MYH6: variants seen among roughly 807,000 people sequenced by gnomAD.
MYH6 encodes the protein myosin-6.
Under a neutral mutation model 223.2 loss-of-function variants are expected in MYH6, and 126 were observed. The observed-to-expected ratio is 0.56, with a 90% CI of 0.49 to 0.65. The LOEUF (loss-of-function observed/expected upper bound fraction) is 0.65. Ranked by LOEUF, MYH6 falls within the 30% of genes least tolerant of loss-of-function variation. The pLI, the probability that MYH6 is intolerant of heterozygous loss-of-function variation, is 0.00. For missense variants in MYH6, 2,040 were observed against 2,536.4 expected (o/e 0.80, Z 4.20); for synonymous variants, 978 against 1,010.2 (o/e 0.97, Z 0.61).
intron 13 of MYH6, 77 bp downstream of exon 13, chr14:23,400,632 C>G (rs992527762): frequency 6.2e-6 from 10 of 1,610,534 alleles, no homozygotes; most frequent in Non-Finnish European, 8.5e-6. Context: ...TGGTCCACAG[C>G]TGGCTCTCAG....
rs118041899 is a variant in MYH6 at position 23,403,593 on chromosome 14, C to T, written c.799+122G>A. 0.012 allele frequency: 14,181 copies of T among 1,209,788 alleles called. 254 individuals are homozygous for T. The highest frequency in any genetic ancestry group is 0.061 in the Middle Eastern group (308 of 5,036). The allele number at this position is 1,209,788 out of a possible 1,614,324, so 74.9% of individuals were successfully genotyped here. On this transcript the variant is annotated intron_variant, in intron 9 of 38. Coordinates refer to ENST00000405093, the MANE Select transcript of MYH6 (RefSeq NM_002471.4). ...AGATGTGGCTTAAATAAAAAGGATCCTAAAGCCCAGAGGCAAATGCAGACA... is the reference window on the plus strand; with the variant it reads ...AGATGTGGCTTAAATAAAAAGGATCTTAAAGCCCAGAGGCAAATGCAGACA...
rs1421693475 is a variant in MYH6, at chr14:23,386,022, A to C, written c.5069T>G (p.Leu1690Arg). ...NNLLQAELEELRAVVEQTERS... is the reference protein window; with the variant it reads ...NNLLQAELEERRAVVEQTERS... ...CTCTGTCTGCTCCACCACGGCACGC[A>C]GCTCCTCCAGCTCAGCCTGCAGCAG... The change falls in exon 34 of 39, where the codon CTG (leucine) becomes CGG (arginine). Residue 1690 changes from leucine (L) to arginine (R), a missense_variant. Leu to Arg is a moderately radical substitution (Grantham distance 102, BLOSUM62 -2). This residue lies in a region of MYH6 where 1,203 missense variants were observed against 1,400.2 expected (regional missense o/e 0.86). Coordinates refer to ENST00000405093, the MANE Select transcript of MYH6 (RefSeq NM_002471.4). 2 of 1,614,144 alleles carry C rather than the reference A, an allele frequency of 1.2e-6. No homozygotes were observed. Among genetic ancestry groups the C allele is most frequent in the Non-Finnish European group, 1.7e-6 (2 of 1,180,032 alleles).
chr14:23,387,838 T>C lies in MYH6; in HGVS notation c.4445A>G (p.Glu1482Gly), dbSNP rs1415845199. Residue 1482 changes from glutamate to glycine, a missense_variant, in exon 31 of 39, where the codon GAG becomes GGG. Transcript: ENST00000405093. ...SQKEARSLSTELFKLKNAYEE... is the reference protein window; with the variant it reads ...SQKEARSLSTGLFKLKNAYEE... Reference sequence around the variant, plus strand: ...GTAGGCGTTCTTGAGCTTGAAGAGCTCTGTGCTGAGGGAGCGAGCCTCCTT... The same window carrying C: ...GTAGGCGTTCTTGAGCTTGAAGAGCCCTGTGCTGAGGGAGCGAGCCTCCTT... 3.5e-5 allele frequency: 56 copies of C among 1,614,026 alleles called. No homozygotes were observed. Among genetic ancestry groups the C allele is most frequent in the Non-Finnish European group, 4.7e-5 (55 of 1,180,044 alleles).
chr14:23,405,329 C>A lies in MYH6; in HGVS notation c.396G>T (p.Pro132=). The A allele has an allele frequency of 6.2e-7, 1 of 1,614,128 alleles. No homozygotes were observed. Among genetic ancestry groups the A allele is most frequent in the Middle Eastern group, 1.7e-4 (1 of 6,058 alleles). Residue 132 remains proline (P), a synonymous_variant, in exon 5 of 39, where the codon CCG becomes CCT. Transcript: ENST00000405093. This position sits in a 1 kb window ranked among gnomAD's most constrained non-coding sequence, Gnocchi z 4.7. ...CGGCCACCACCTCGGCATTGTACAC[C>A]GGCAGCCACTTGTAGGGGTTGACAG... ...CVTVNPYKWL[P]VYNAEVVAAY...
intron 24 of MYH6, 74 bp from the exon 25 acceptor site, chr14:23,392,726 T>C: frequency 6.8e-7 from 1 of 1,461,168 alleles, no homozygotes; most frequent in Non-Finnish European, 9.6e-7. Flanking sequence ...CTTCTTGGCC[T>C]TAGTATGCCA....
intron 7 of MYH6, 104 bp downstream of exon 7, chr14:23,404,607 G>C: frequency 8.2e-7 from 1 of 1,217,708 alleles, no homozygotes; most frequent in South Asian, 1.2e-5. Context: ...GCCCAGCTCA[G>C]TGTGGCTGTC....
At chr14:23,408,164 C>G in intron 1 of MYH6, 89 bp downstream of exon 1, 4 of 917,254 alleles carry the variant, frequency 4.4e-6, no homozygotes, top group Non-Finnish European at 5.2e-6. Context: ...CTCCAACTGA[C>G]CTGCACCCCA....
chr14:23,403,702 T>C lies in MYH6; in HGVS notation c.799+13A>G, dbSNP rs575059463. 4 of 1,610,792 alleles carry C rather than the reference T, an allele frequency of 2.5e-6. No homozygotes were observed. The South Asian group carries it at 4.4e-5, about 18-fold the overall frequency. ...GGGACCTAGAGGGTGGCAGCCTCCC[T>C]GCTGGTACTCACAGGTCTCTATGTC... On this transcript the variant is annotated intron_variant, in intron 9 of 38. Coordinates refer to ENST00000405093, the MANE Select transcript of MYH6 (RefSeq NM_002471.4).
At chr14:23,383,146 C>A in intron 37 of MYH6, 79 bp downstream of exon 37, 1 of 1,256,514 alleles carries the variant, frequency 8.0e-7, no homozygotes, top group Non-Finnish European at 1.2e-6. Context: ...TTTGTCCAGG[C>A]CCCTCTGTAG....
intron 20 of MYH6, 36 bp downstream of exon 20, chr14:23,396,248 T>A: frequency 2.5e-6 from 4 of 1,613,768 alleles, no homozygotes; most frequent in Non-Finnish European, 3.4e-6. Context: ...TGCCTCTACA[T>A]CTCTAGTGCA....
In MYH6 at chr14:23,394,089, G is replaced by A. The variant is rs755699724; in HGVS notation, c.2664C>T (p.Asp888=). Residue 888 remains aspartate, a synonymous_variant, in exon 21 of 39, where the codon GAC becomes GAT. Transcript: ENST00000405093. Reference sequence around the variant, plus strand: ...TCACCGCCTGCACTTGGAGCTGCAGGTCATTCTTCTCCTGCAGCAGGGACA... The same window carrying A: ...TCACCGCCTGCACTTGGAGCTGCAGATCATTCTTCTCCTGCAGCAGGGACA... ...KMVSLLQEKN[D]LQLQVQAEQD... The A allele has an allele frequency of 1.8e-5, 29 of 1,614,076 alleles. No individual in the cohort carries two copies. Among genetic ancestry groups the A allele is most frequent in the South Asian group, 1.8e-4 (16 of 91,088 alleles).
At chr14:23,397,104 G>T (rs1289758315) in intron 17 of MYH6, 24 bp from the exon 18 acceptor site, 1 of 1,614,108 alleles carries the variant, frequency 6.2e-7, no homozygotes, top group East Asian at 2.2e-5. Flanking sequence ...GAAGGGGAAA[G>T]GGTCAGCCTT....
intron 29 of MYH6, chr14:23,388,606 GC>G (rs755889109): frequency 1.2e-6 from 1 of 859,102 alleles, no homozygotes; most frequent in Non-Finnish European, 2.0e-6. Flanking sequence ...TGACCAACAA[GC>G]TTTTTGCTCG....
At position 23,386,506 on chromosome 14, in the gene MYH6, G is replaced by C; in HGVS notation, c.4768C>G (p.Arg1590Gly). ...EKDEEMEQAKRNHQRVVDSLQ... is the reference protein window; with the variant it reads ...EKDEEMEQAKGNHQRVVDSLQ... ...GAGTCCACCACCCGCTGGTGGTTGCGCTTGGCCTGTTCCATCTCCTCGTCC... is the reference window on the plus strand; with the variant it reads ...GAGTCCACCACCCGCTGGTGGTTGCCCTTGGCCTGTTCCATCTCCTCGTCC... The change falls in exon 33 of 39, where the codon CGC becomes GGC. Residue 1590 changes from arginine (R) to glycine (G), a missense_variant. By Grantham distance (125) the Arg-to-Gly change is moderately radical. This residue lies in a region of MYH6 where 1,203 missense variants were observed against 1,400.2 expected (regional missense o/e 0.86). Transcript: ENST00000405093. 6.2e-7 allele frequency: 1 copy of C among 1,614,142 alleles called. No homozygotes were observed. Among genetic ancestry groups the C allele is most frequent in the Non-Finnish European group, 8.5e-7 (1 of 1,180,028 alleles).
At chr14:23,397,958 C>CTTCTTCTTCTAT (rs1891468588) in intron 15 of MYH6, among the ~76,000 whole-genome samples, 5 of 113,598 alleles carry the variant, frequency 4.4e-5, no homozygotes, top group Non-Finnish European at 9.0e-5. Flanking sequence ...TCTTCTTCTT[C>CTTCTTCTTCTAT]TTCTTCTTCT....
intron 15 of MYH6, among the ~76,000 whole-genome samples, chr14:23,397,926 CTCCTCCTCTTCTTCTTCTTCTTCT>C (rs1891448675): frequency 7.9e-6 from 1 of 126,712 alleles, no homozygotes; most frequent in African/African-American, 3.4e-5. Flanking sequence ...CCTCCTCCTC[CTCCTCCTCTTCTTCTTCTTCTTCT>C]TCTTCTTCTT....
chr14:23,393,640 C>T, intron 22 of MYH6, 26 bp downstream of exon 22: 1 of 1,614,180 alleles, frequency 6.2e-7, no homozygotes, highest in Non-Finnish European at 8.5e-7. Context: ...GAGACCTGGG[C>T]TGAAGCCAGA....
chr14:23,394,520 G>T (rs1891337167), intron 20 of MYH6, among the ~76,000 whole-genome samples, 197 bp from the exon 21 acceptor site: 2 of 152,190 alleles, frequency 1.3e-5, no homozygotes, highest in Non-Finnish European at 2.9e-5. Context: ...TATCCTCCCA[G>T]CTGGGATATT....
chr14:23,396,279 C>G lies in MYH6; in HGVS notation c.2429+5G>C. The G allele has an allele frequency of 6.2e-7, 1 of 1,614,140 alleles. No individual in the cohort carries two copies. The highest frequency in any genetic ancestry group is 8.5e-7 in the Non-Finnish European group (1 of 1,180,038). On this transcript the variant is annotated splice_donor_5th_base_variant and intron_variant, in intron 20 of 38. Coordinates refer to ENST00000405093, the MANE Select transcript of MYH6 (RefSeq NM_002471.4). ...GTGCATGCCTCCCTTTTCCTCCTGT[C>G]TCACCTGCGTTCCACTATCTTCTTG... is the stretch of plus-strand genomic sequence containing the variant.
Sources: gnomAD v4.1 joint callset for allele counts (sites outside exome capture counted in the v4.1 genomes callset) on GRCh38, gnomAD v4.1.1 for gene constraint, gnomAD v4.1.1 regional missense constraint, Gnocchi (gnomAD v3.1) non-coding constraint, MANE v1.5 for transcripts, NCBI Gene and HGNC (gene_info 2026-07-23, HGNC 2026-07-21) for gene names.